The following MFN1 variants were observed in gnomAD, a reference collection of about 807,000 sequenced individuals.
MFN1 encodes the protein mitofusin 1, also known as mitofusin-1.
MFN1 carries 65 observed loss-of-function variants against 92.4 expected under a neutral mutation model. The ratio of observed to expected loss-of-function variants is 0.70; its 90% CI spans 0.58 to 0.86. MFN1 has a LOEUF of 0.86. Ranked by LOEUF, MFN1 falls within the 40% of genes least tolerant of loss-of-function variation. The pLI, the probability that MFN1 is intolerant of heterozygous loss-of-function variation, is 0.00. For missense variants in MFN1, 781 were observed against 868.0 expected (o/e 0.90, Z 1.26); for synonymous variants, 297 against 300.9 (o/e 0.99, Z 0.13).
intron 4 of MFN1, 75 bp from the exon 5 acceptor site, chr3:179,362,283 G>T: frequency 1.4e-6 from 2 of 1,388,314 alleles, no homozygotes; most frequent in Non-Finnish European, 1.9e-6. Context: ...TAAAATAAAT[G>T]TACCACAATG....
At chr3:179,380,217 T>G (rs752587710) in intron 14 of MFN1, among the ~76,000 whole-genome samples, 2 of 152,224 alleles carry the variant, frequency 1.3e-5, no homozygotes, top group Non-Finnish European at 2.9e-5. Context: ...GATGAAAATC[T>G]GACTCCAGAA....
chr3:179,371,230 G>A (rs1050970794), intron 9 of MFN1, among the ~76,000 whole-genome samples: 1 of 152,162 alleles, frequency 6.6e-6, no homozygotes, highest in African/African-American at 2.4e-5. Context: ...ATTAGCCTGG[G>A]CATTGGTGGC....
At chr3:179,349,073 A>C in intron 2 of MFN1, 110 bp downstream of exon 2, 1 of 770,802 alleles carries the variant, frequency 1.3e-6, no homozygotes, top group Non-Finnish European at 2.0e-6. Context: ...ACTGTATACT[A>C]TGAGAAGTAC....
chr3:179,362,556 G>T, intron 5 of MFN1, 74 bp downstream of exon 5: 1 of 1,337,532 alleles, frequency 7.5e-7, no homozygotes, highest in Non-Finnish European at 9.9e-7. Flanking sequence ...TTAGCATATG[G>T]TATAAAAAAT....
chr3:179,361,016 C>T (rs758744670), intron 4 of MFN1, among the ~76,000 whole-genome samples: 1 of 151,862 alleles, frequency 6.6e-6, no homozygotes, highest in African/African-American at 2.4e-5. Context: ...CCCAGCTACC[C>T]GAGTGGCTGA....
In MFN1 at chr3:179,352,035, G is replaced by C. The variant is rs767308616; in HGVS notation, c.248G>C (p.Arg83Thr). Residue 83 changes from arginine (R) to threonine (T), a missense_variant and splice_region_variant, in exon 3 of 18, where the codon AGG becomes ACG. Transcript: ENST00000471841. ...CACATGAAGGTGGCATTTTTTGGCA[G>C]GTAATTATTTATTATTACTTCTAAG... ...RRHMKVAFFG[R>T]TSSGKSSVIN... 4.4e-6 allele frequency: 7 copies of C among 1,582,606 alleles called. No individual in the cohort carries two copies. Among genetic ancestry groups the C allele is most frequent in the Non-Finnish European group, 6.0e-6 (7 of 1,159,222 alleles).
At chr3:179,374,980 A>G (rs180837369) in intron 9 of MFN1, among the ~76,000 whole-genome samples, 1 of 152,228 alleles carries the variant, frequency 6.6e-6, no homozygotes, top group Non-Finnish European at 1.5e-5. Flanking sequence ...GAGTCAAACC[A>G]TTGCACATTA....
intron 10 of MFN1, among the ~76,000 whole-genome samples, chr3:179,376,306 C>A (rs1713238055): frequency 6.6e-6 from 1 of 152,114 alleles, no homozygotes; most frequent in African/African-American, 2.4e-5. Context: ...TATAGCAGTT[C>A]CTTCTAGCTC....
intron 14 of MFN1, among the ~76,000 whole-genome samples, chr3:179,383,873 T>A (rs1283337566): frequency 6.6e-6 from 1 of 152,134 alleles, no homozygotes; most frequent in Non-Finnish European, 1.5e-5. Flanking sequence ...CTTTAAAAAA[T>A]TTATCAATTC....
At chr3:179,373,783 C>T (rs948087705) in intron 9 of MFN1, among the ~76,000 whole-genome samples, 1 of 152,016 alleles carries the variant, frequency 6.6e-6, no homozygotes, top group Non-Finnish European at 1.5e-5. Flanking sequence ...TCGCCATTCT[C>T]CTGCCTCAGC....
intron 9 of MFN1, among the ~76,000 whole-genome samples, chr3:179,368,783 C>T (rs895120477): frequency 2.6e-5 from 4 of 152,120 alleles, no homozygotes; most frequent in African/African-American, 9.7e-5. Flanking sequence ...AGATATTAAC[C>T]TTCTGAACCC....
intron 1 of MFN1, chr3:179,348,032 T>G (rs1344981743): frequency 2.0e-5 from 3 of 148,810 alleles, no homozygotes; most frequent in South Asian, 4.3e-4. Context: ...GATTGGGGGA[T>G]CCGGACCTAG....
chr3:179,388,814 A>C (rs942192787), intron 16 of MFN1, among the ~76,000 whole-genome samples: 5 of 152,234 alleles, frequency 3.3e-5, no homozygotes, highest in Admixed American at 3.3e-4. Flanking sequence ...TAAGGGGAAA[A>C]GACTGCATTC....
chr3:179,392,239 A>G lies in MFN1; in HGVS notation c.*180A>G. 1 of 443,974 alleles carries G rather than the reference A, an allele frequency of 2.3e-6. No individual in the cohort carries two copies. The allele number at this position is 443,974 out of a possible 1,614,324, so 27.5% of individuals were successfully genotyped here. A position where few individuals can be genotyped will look rare whatever the true frequency, so the allele number is the denominator to read the frequency against. On this transcript the variant is annotated 3_prime_UTR_variant, in exon 18 of 18. Transcript: ENST00000471841. ...GGTATGTGTATTTTTGAAGAGTGTT[A>G]TGTCCTTAGTTTTAATTTTGAGTAA... is the stretch of plus-strand genomic sequence containing the variant.
intron 5 of MFN1, among the ~76,000 whole-genome samples, chr3:179,362,960 A>G (rs773221364): frequency 2.6e-5 from 4 of 152,212 alleles, no homozygotes; most frequent in African/African-American, 7.2e-5. Context: ...TTTAAATACA[A>G]TGTTAACTAG....
At chr3:179,380,553 G>A (rs1013237629) in intron 14 of MFN1, among the ~76,000 whole-genome samples, 17 of 152,244 alleles carry the variant, frequency 1.1e-4, no homozygotes, top group South Asian at 4.1e-4. Flanking sequence ...AAGCTAGGCC[G>A]GATGATGACT....
chr3:179,378,796 A>T lies in MFN1; in HGVS notation c.1644A>T (p.Leu548Phe). 6.2e-7 allele frequency: 1 copy of T among 1,611,738 alleles called. No individual in the cohort carries two copies. The highest frequency in any genetic ancestry group is 8.5e-7 in the Non-Finnish European group (1 of 1,178,016). ...PRNAQRVLLG[L>F]SEPIFQLPRS... Reference sequence around the variant, plus strand: ...ATGCTCAAAGGGTGCTCCTAGGATTATCAGAGCCTATCTTTCAGGTATGTA... The same window carrying T: ...ATGCTCAAAGGGTGCTCCTAGGATTTTCAGAGCCTATCTTTCAGGTATGTA... The change falls in exon 14 of 18, where the codon TTA becomes TTT. Residue 548 changes from leucine to phenylalanine, a missense_variant. Transcript: ENST00000471841.
rs187355489 is a variant in MFN1 at position 179,377,933 on chromosome 3, G to A, written c.1330-408G>A. Reference sequence around the variant, plus strand: ...AAAAAAAAATTAGCCGGTGGCAGGCGCCTGTAATACCAGCTACTCTGGAGG... The same window carrying A: ...AAAAAAAAATTAGCCGGTGGCAGGCACCTGTAATACCAGCTACTCTGGAGG... On this transcript the variant is annotated intron_variant, in intron 12 of 17. Coordinates refer to ENST00000471841, the MANE Select transcript of MFN1 (RefSeq NM_033540.3). Among the ~76,000 whole-genome samples the A allele has an allele frequency of 4.0e-4, 61 of 152,170 alleles. No homozygotes were observed. In the East Asian group the frequency reaches 7.1e-3, roughly 18 times the overall value.
In MFN1 at chr3:179,347,777, T is replaced by C. The variant is rs1210440211; in HGVS notation, c.-41T>C. On this transcript the variant is annotated 5_prime_UTR_variant, in exon 1 of 18. Transcript: ENST00000471841. ...AGGCAGTTTGGCATCTGTGGCCGAG[T>C]TGCTGTTGCCGGGTGATAGTTGGAG... 2 of 152,368 alleles carry C rather than the reference T, an allele frequency of 1.3e-5. No individual in the cohort carries two copies. Among genetic ancestry groups the C allele is most frequent in the Non-Finnish European group, 2.9e-5 (2 of 68,156 alleles). The allele number at this position is 152,368 out of a possible 1,614,324, so 9.4% of individuals were successfully genotyped here. A position where few individuals can be genotyped will look rare whatever the true frequency, so the allele number is the denominator to read the frequency against.
Sources: gnomAD v4.1 joint callset for allele counts (sites outside exome capture counted in the v4.1 genomes callset) on GRCh38, gnomAD v4.1.1 for gene constraint, MANE v1.5 for transcripts, NCBI Gene and HGNC (gene_info 2026-07-23, HGNC 2026-07-21) for gene names.